Variants in PIGL observed in about 807,000 individuals in gnomAD.
PIGL encodes the protein N-acetylglucosaminyl-phosphatidylinositol de-N-acetylase.
In PIGL, 22 loss-of-function variants were observed where a neutral mutation model predicts 31.1. The observed-to-expected ratio is 0.71, with a 90% CI of 0.51 to 1.01. The LOEUF (loss-of-function observed/expected upper bound fraction) is 1.01, where lower values mean the gene tolerates loss of function less well. Among genes scored for constraint, PIGL ranks in the 50% least tolerant of loss-of-function variants. The pLI is 0.00. For missense variants in PIGL, 302 were observed against 315.9 expected (o/e 0.96, Z 0.33); for synonymous variants, 131 against 117.4 (o/e 1.12, Z -0.75).
intron 2 of PIGL, among the ~76,000 whole-genome samples, chr17:16,291,645 C>A (rs2092961188): frequency 6.6e-6 from 1 of 151,932 alleles, no homozygotes; most frequent in Non-Finnish European, 1.5e-5. Flanking sequence ...GAGGGCGGGT[C>A]ACCTGAGGTC....
intron 2 of PIGL, among the ~76,000 whole-genome samples, chr17:16,265,874 TTAAGAAGAGTAAAA>T (rs1411452543): frequency 1.3e-5 from 2 of 152,012 alleles, no homozygotes; most frequent in Non-Finnish European, 2.9e-5. Context: ...ACCCTGTACT[TTAAGAAGAGTAAAA>T]GTCCTGAGTA....
chr17:16,315,718 T>TC (rs2093073641), intron 4 of PIGL, among the ~76,000 whole-genome samples: 1 of 125,710 alleles, frequency 8.0e-6, no homozygotes, highest in Admixed American at 8.1e-5. Context: ...CTTTTTTTTT[T>TC]TTTTTTTTTT....
chr17:16,308,378 G>A (rs1221341592), intron 3 of PIGL, among the ~76,000 whole-genome samples: 4 of 152,118 alleles, frequency 2.6e-5, no homozygotes, highest in Non-Finnish European at 5.9e-5. Flanking sequence ...AAGCAGCCCA[G>A]GGGGATAGTA....
intron 3 of PIGL, among the ~76,000 whole-genome samples, chr17:16,310,143 T>G (rs1205665693): frequency 6.6e-6 from 1 of 151,766 alleles, no homozygotes; most frequent in East Asian, 1.9e-4. Flanking sequence ...ATTAGAAGAC[T>G]TTCTTGAATT....
intron 2 of PIGL, among the ~76,000 whole-genome samples, chr17:16,280,867 G>C (rs374236626): frequency 2.6e-5 from 4 of 152,206 alleles, no homozygotes; most frequent in East Asian, 3.9e-4. Context: ...ACTACGCCTG[G>C]CTAATTTTTG....
chr17:16,291,903 G>T (rs2092962554), intron 2 of PIGL, among the ~76,000 whole-genome samples: 1 of 151,490 alleles, frequency 6.6e-6, no homozygotes, highest in African/African-American at 2.4e-5. Flanking sequence ...TGAGGCAGGA[G>T]GATCACTTGA....
chr17:16,232,229 G>T (rs1015395055), intron 1 of PIGL, among the ~76,000 whole-genome samples: 1 of 152,044 alleles, frequency 6.6e-6, no homozygotes, highest in Admixed American at 6.6e-5. Context: ...AGTGAACTGA[G>T]ATCACACCAC....
At position 16,217,245 on chromosome 17, in the gene PIGL, CTG is replaced by C; in HGVS notation, c.26_27del (p.Val9GlyfsTer42). 1 of 1,614,102 alleles carries C rather than the reference CTG, an allele frequency of 6.2e-7. No individual in the cohort carries two copies. The highest frequency in any genetic ancestry group is 8.5e-7 in the Non-Finnish European group (1 of 1,180,004). On this transcript the variant is annotated frameshift_variant, in exon 1 of 7. Coordinates refer to ENST00000225609, the MANE Select transcript of PIGL (RefSeq NM_004278.4). LOFTEE classifies it high-confidence loss of function. The part of the protein sequence containing the change: MEAMWL[L>X]CVALAVLAWG... ...ACCCATCATGGAAGCAATGTGGCTCCTGTGTGTGGCGTTGGCGGTCTTGGCAT... is the reference window on the plus strand; with the variant it reads ...ACCCATCATGGAAGCAATGTGGCTCCTGTGTGGCGTTGGCGGTCTTGGCAT...
intron 1 of PIGL, 168 bp downstream of exon 1, chr17:16,217,629 A>ACAC: frequency 7.3e-6 from 4 of 547,584 alleles, no homozygotes; most frequent in South Asian, 5.7e-5. Context: ...CGGCCGGCTT[A>ACAC]CCTGGTGGGT....
At chr17:16,312,007 G>A (rs1168214270) in intron 3 of PIGL, among the ~76,000 whole-genome samples, 28 of 151,992 alleles carry the variant, frequency 1.8e-4, no homozygotes, top group African/African-American at 6.5e-4. Flanking sequence ...CCGGGCAGAG[G>A]GGCTCCTCAC....
chr17:16,307,183 C>G (rs1207801927), intron 3 of PIGL, among the ~76,000 whole-genome samples: 14 of 152,198 alleles, frequency 9.2e-5, no homozygotes, highest in Admixed American at 9.2e-4. Flanking sequence ...CATGAGGTTC[C>G]CAATGATTCC....
intron 3 of PIGL, among the ~76,000 whole-genome samples, chr17:16,308,864 C>G (rs1350950521): frequency 1.4e-5 from 2 of 145,096 alleles, no homozygotes; most frequent in Non-Finnish European, 3.0e-5. Flanking sequence ...TCATGGCTCA[C>G]TGTAACCTTG....
chr17:16,261,632 G>T (rs2092819660), intron 2 of PIGL, among the ~76,000 whole-genome samples: 1 of 152,070 alleles, frequency 6.6e-6, no homozygotes, highest in Admixed American at 6.5e-5. Flanking sequence ...GAGGCAGAGA[G>T]AATAATAATA....
chr17:16,221,474 C>T (rs1283359464), intron 1 of PIGL, among the ~76,000 whole-genome samples: 5 of 140,202 alleles, frequency 3.6e-5, no homozygotes, highest in Non-Finnish European at 4.6e-5. Context: ...TTTTTTGAGA[C>T]GGAGTCTCAC....
At chr17:16,255,521 T>A (rs186760683) in intron 2 of PIGL, among the ~76,000 whole-genome samples, 1 of 152,206 alleles carries the variant, frequency 6.6e-6, no homozygotes, top group Non-Finnish European at 1.5e-5. Context: ...TGGAAGTCAC[T>A]GTGTTTTCCA....
chr17:16,288,325 G>C (rs939443811), intron 2 of PIGL, among the ~76,000 whole-genome samples: 3 of 152,024 alleles, frequency 2.0e-5, no homozygotes, highest in African/African-American at 7.3e-5. Context: ...TCCTGCCTCA[G>C]CCTCCCGAGT....
At chr17:16,229,824 C>G (rs779572702) in intron 1 of PIGL, among the ~76,000 whole-genome samples, 3 of 145,620 alleles carry the variant, frequency 2.1e-5, no homozygotes. Context: ...GTCCTTTGCC[C>G]ATTTTCTGAT....
At chr17:16,240,045 A>C (rs1314542119) in intron 2 of PIGL, among the ~76,000 whole-genome samples, 1 of 152,192 alleles carries the variant, frequency 6.6e-6, no homozygotes, top group African/African-American at 2.4e-5. Flanking sequence ...GCGTTGGATC[A>C]GTAGGAGGTG....
At chr17:16,293,695 T>G (rs993434346) in intron 2 of PIGL, among the ~76,000 whole-genome samples, 18 of 152,232 alleles carry the variant, frequency 1.2e-4, no homozygotes, top group African/African-American at 3.9e-4. Flanking sequence ...AGAAGCACAA[T>G]TACTTATTGT....
Sources: allele counts gnomAD v4.1 joint callset (sites outside exome capture counted in the v4.1 genomes callset), GRCh38; gene constraint gnomAD v4.1.1; transcripts MANE v1.5; gene names NCBI Gene and HGNC (gene_info 2026-07-23, HGNC 2026-07-21).